C8orf34: variants seen among roughly 807,000 people sequenced by gnomAD.
C8orf34 encodes chromosome 8 open reading frame 34.
A neutral mutation model predicts 68.3 loss-of-function variants in C8orf34; 65 were observed. That is an observed-to-expected ratio of 0.95 (90% CI 0.78 to 1.17). The LOEUF (loss-of-function observed/expected upper bound fraction) is 1.17. Among genes scored for constraint, C8orf34 ranks in the 50% most tolerant of loss-of-function variants. C8orf34 has a pLI of 0.00. For missense variants in C8orf34, 664 were observed against 655.4 expected, an observed-to-expected ratio of 1.01 and a Z score of -0.14; for synonymous variants, 244 against 241.2, an observed-to-expected ratio of 1.01 and a Z score of -0.11.
chr8:68,812,551 C>G (rs1447982387), intron 12 of C8orf34, among the ~76,000 whole-genome samples: 1 of 152,054 alleles, frequency 6.6e-6, no homozygotes, highest in Non-Finnish European at 1.5e-5. Context: ...TTTAAGGTTT[C>G]TACCACTTAT....
chr8:68,784,946 G>C (rs764295885), intron 11 of C8orf34, among the ~76,000 whole-genome samples: 7 of 152,072 alleles, frequency 4.6e-5, no homozygotes, highest in Non-Finnish European at 1.0e-4. Context: ...TTTCATTGGA[G>C]AATGATTTTA....
chr8:68,446,270 GT>G (rs1811117947), intron 2 of C8orf34, 58 bp from the exon 3 acceptor site: 1 of 1,452,584 alleles, frequency 6.9e-7, no homozygotes, highest in East Asian at 2.3e-5. Flanking sequence ...CGTGGACTTG[GT>G]TTTTGCTCAA....
intron 5 of C8orf34, among the ~76,000 whole-genome samples, chr8:68,514,841 G>A (rs955082098): frequency 3.9e-5 from 6 of 152,076 alleles, no homozygotes; most frequent in Non-Finnish European, 7.4e-5. Context: ...GGTATTTGTG[G>A]ATCAGGCAGA....
chr8:68,705,867 A>G (rs1019595835), intron 8 of C8orf34, among the ~76,000 whole-genome samples: 1 of 152,176 alleles, frequency 6.6e-6, no homozygotes, highest in Non-Finnish European at 1.5e-5. Context: ...TTGAGATCCA[A>G]ATCTTTCCAG....
intron 8 of C8orf34, among the ~76,000 whole-genome samples, chr8:68,664,712 T>C (rs1022566690): frequency 1.3e-5 from 2 of 152,260 alleles, no homozygotes; most frequent in African/African-American, 4.8e-5. Context: ...CCTTCCTTAG[T>C]GTGCCCTAGT....
At chr8:68,446,182 C>T in intron 2 of C8orf34, 147 bp from the exon 3 acceptor site, 2 of 609,380 alleles carry the variant, frequency 3.3e-6, no homozygotes, top group African/African-American at 3.7e-5. Context: ...TGAAATTAAA[C>T]AAGTAATACC....
In C8orf34 at chr8:68,589,479, A is replaced by AAAGAAAG. The variant is rs1289879211; in HGVS notation, c.1106-50887_1106-50881dup. 1.5e-4 allele frequency among the ~76,000 whole-genome samples: 22 copies of AAAGAAAG among 151,382 alleles called. No homozygotes were observed. The East Asian group carries it at 4.3e-3, about 30-fold the overall frequency. ...AAAGAGAAAGAAAGAAGAAAGAGGA[A>AAAGAAAG]AAGAAAGAAGAAAGAAAGAGAGAGA... On this transcript the variant is annotated intron_variant, in intron 7 of 13. Coordinates refer to ENST00000518698, the MANE Select transcript of C8orf34 (RefSeq NM_052958.4).
chr8:68,612,145 T>C (rs1216436519), intron 7 of C8orf34, among the ~76,000 whole-genome samples: 3 of 152,220 alleles, frequency 2.0e-5, no homozygotes, highest in East Asian at 3.9e-4. Context: ...CGTATCATTA[T>C]CTGCAACTGC....
intron 12 of C8orf34, among the ~76,000 whole-genome samples, chr8:68,814,431 C>A (rs1824747537): frequency 6.6e-6 from 1 of 152,306 alleles, no homozygotes; most frequent in South Asian, 2.1e-4. Flanking sequence ...AAAAATACAT[C>A]ATTATTTTAT....
chr8:68,747,516 T>C (rs1167789428), intron 10 of C8orf34, among the ~76,000 whole-genome samples: 1 of 148,800 alleles, frequency 6.7e-6, no homozygotes, highest in Non-Finnish European at 1.5e-5. Context: ...CTCCTTAAGC[T>C]GATAAGCAAC....
intron 1 of C8orf34, among the ~76,000 whole-genome samples, chr8:68,381,912 A>C (rs572421522): frequency 3.3e-5 from 5 of 152,314 alleles, no homozygotes. Context: ...TCCTTCATAG[A>C]CATAACTTTT....
Position 68,816,021 on chromosome 8 carries a change from T to TA in C8orf34, c.1609+82dup, listed in dbSNP as rs374992905. 8.2e-5 allele frequency: 132 copies of TA among 1,609,024 alleles called. 1 individual carries two copies. The African/African-American group carries it at 1.4e-3, about 16-fold the overall frequency. On this transcript the variant is annotated intron_variant, in intron 13 of 13. Transcript: ENST00000518698. Reference sequence around the variant, plus strand: ...TTCTAAAACTGCTCAGGATTTGTATTAAAAAAGTACGTAGTCCTCATGACC... The same window carrying TA: ...TTCTAAAACTGCTCAGGATTTGTATTAAAAAAAGTACGTAGTCCTCATGACC...
intron 7 of C8orf34, among the ~76,000 whole-genome samples, chr8:68,594,893 C>CA (rs1294277420): frequency 4.0e-5 from 6 of 151,826 alleles, no homozygotes; most frequent in African/African-American, 2.4e-5. Flanking sequence ...TAGGATAGAT[C>CA]AATTTTAATC....
intron 5 of C8orf34, among the ~76,000 whole-genome samples, chr8:68,520,309 T>C (rs1461015330): frequency 6.6e-6 from 1 of 152,212 alleles, no homozygotes; most frequent in African/African-American, 2.4e-5. Flanking sequence ...GTGTTGCTTT[T>C]GGTATTATAT....
In C8orf34 at chr8:68,428,675, A is replaced by G. The variant is rs564997673; in HGVS notation, c.328-10824A>G. On this transcript the variant is annotated intron_variant, in intron 1 of 13. Coordinates refer to ENST00000518698, the MANE Select transcript of C8orf34 (RefSeq NM_052958.4). ...AAATGATAGAAACAAGATTAGGATG[A>G]ATTTTTTCCTCAAGGTACCAGAATT... 3.3e-5 allele frequency among the ~76,000 whole-genome samples: 5 copies of G among 152,282 alleles called. No homozygotes were observed. In the South Asian group the frequency reaches 1.0e-3, roughly 32 times the overall value.
At position 68,774,329 on chromosome 8, in the gene C8orf34, G is replaced by GTATATATATATATATATATA. The variant is rs1237765866; in HGVS notation, c.1405-2069_1405-2068insATATATATATATATATATAT. On this transcript the variant is annotated intron_variant, in intron 10 of 13. Transcript: ENST00000518698. The stretch of plus-strand genomic sequence containing the variant: ...TCTATGTATAAAAATATGGGTGTGT[G>GTATATATATATATATATATA]TGTATATATATATATATATAAAATA... Among the ~76,000 whole-genome samples, 643 of 126,754 alleles carry GTATATATATATATATATATA rather than the reference G, an allele frequency of 5.1e-3. 9 individuals are homozygous for GTATATATATATATATATATA. The highest frequency in any genetic ancestry group is 0.019 in the African/African-American group (563 of 29,006). 83.2% of individuals were successfully genotyped at this position (126,754 alleles called of 152,430 possible). A position where few individuals can be genotyped will look rare whatever the true frequency, so the allele number is the denominator to read the frequency against.
intron 12 of C8orf34, among the ~76,000 whole-genome samples, chr8:68,805,094 A>T (rs994607856): frequency 2.0e-5 from 3 of 152,044 alleles, no homozygotes; most frequent in African/African-American, 4.8e-5. Context: ...TCAGGCTTGC[A>T]TTTTTTTTCT....
chr8:68,699,005 C>A (rs1213960220), intron 8 of C8orf34, among the ~76,000 whole-genome samples: 1 of 151,940 alleles, frequency 6.6e-6, no homozygotes, highest in Non-Finnish European at 1.5e-5. Context: ...AGATTAGGCA[C>A]CACGGAAGGC....
chr8:68,360,673 A>G (rs1806946078), intron 1 of C8orf34, among the ~76,000 whole-genome samples: 1 of 151,780 alleles, frequency 6.6e-6, no homozygotes, highest in Admixed American at 6.6e-5. Context: ...CAGCTTGTCC[A>G]GTTCTTCCCA....
Sources: allele counts gnomAD v4.1 joint callset (sites outside exome capture counted in the v4.1 genomes callset), GRCh38; gene constraint gnomAD v4.1.1; transcripts MANE v1.5; gene names NCBI Gene and HGNC (gene_info 2026-07-23, HGNC 2026-07-21).